Variants in HIPK1 observed in about 807,000 individuals in gnomAD.
HIPK1 encodes the protein homeodomain-interacting protein kinase 1.
In HIPK1, 28 loss-of-function variants were observed where a neutral mutation model predicts 117.1. The ratio of observed to expected loss-of-function variants is 0.24; its 90% CI spans 0.18 to 0.33. HIPK1 has a LOEUF of 0.33. Ranked by LOEUF, HIPK1 falls within the 10% of genes least tolerant of loss-of-function variation. The probability of loss-of-function intolerance (pLI) is 1.00; values close to 1 mark genes in which losing one functional copy is unlikely to be tolerated. For missense variants in HIPK1, 1,122 were observed against 1,475.1 expected, an observed-to-expected ratio of 0.76 and a Z score of 3.92; for synonymous variants, 605 against 562.5, an observed-to-expected ratio of 1.08 and a Z score of -1.07.
intron 8 of HIPK1, among the ~76,000 whole-genome samples, chr1:113,959,452 A>C (rs1487388711): frequency 2.0e-5 from 3 of 152,206 alleles, no homozygotes; most frequent in African/African-American, 7.2e-5. Flanking sequence ...ATAATAGTAA[A>C]TTCTGTAGTT....
intron 14 of HIPK1, 88 bp downstream of exon 14, chr1:113,970,285 TAGAG>T: frequency 7.3e-7 from 1 of 1,364,338 alleles, no homozygotes. Flanking sequence ...ATATCAGTGG[TAGAG>T]ACCAGTGGTG....
rs1670015521 is a variant in HIPK1 at position 113,933,227 on chromosome 1, C to CT, written c.-3+3696dup. 5 of 981,848 alleles carry CT rather than the reference C, an allele frequency of 5.1e-6. No individual in the cohort carries two copies. In the South Asian group the frequency reaches 1.9e-4, roughly 37 times the overall value. 60.8% of individuals were successfully genotyped at this position (981,848 alleles called of 1,614,324 possible). A position where few individuals can be genotyped will look rare whatever the true frequency, so the allele number is the denominator to read the frequency against. On this transcript the variant is annotated intron_variant, in intron 1 of 15. Coordinates refer to ENST00000426820, the MANE Select transcript of HIPK1 (RefSeq NM_198268.3). ...TGAAGAAGTGAGCTTTAAGCAGAGA[C>CT]TAGAAGGGTAAGTAAAAGTTAGGAA...
chr1:113,932,801 C>A (rs1260500805), intron 1 of HIPK1, among the ~76,000 whole-genome samples: 1 of 152,120 alleles, frequency 6.6e-6, no homozygotes, highest in African/African-American at 2.4e-5. Context: ...TATCTCCTTA[C>A]TCTACACGGT....
At chr1:113,963,715 A>C (rs1417332008) in intron 10 of HIPK1, among the ~76,000 whole-genome samples, 194 bp downstream of exon 10, 1 of 151,982 alleles carries the variant, frequency 6.6e-6, no homozygotes, top group Non-Finnish European at 1.5e-5. Context: ...TTAATGTCTC[A>C]TTGTTTTCCT....
rs1476463192 is a variant in HIPK1, at chr1:113,929,338, G to C, written c.-197G>C. The C allele has an allele frequency of 7.8e-7, 1 of 1,289,350 alleles. No individual in the cohort carries two copies. Among genetic ancestry groups the C allele is most frequent in the Non-Finnish European group, 1.0e-6 (1 of 988,860 alleles). 79.9% of individuals were successfully genotyped at this position (1,289,350 alleles called of 1,614,324 possible). On this transcript the variant is annotated 5_prime_UTR_variant, in exon 1 of 16. Coordinates refer to ENST00000426820, the MANE Select transcript of HIPK1 (RefSeq NM_198268.3). ...CTAGCTGGGATGACATTTTACAGTTGGATCCCGTACCACCGCCAGGCACCT... is the reference window on the plus strand; with the variant it reads ...CTAGCTGGGATGACATTTTACAGTTCGATCCCGTACCACCGCCAGGCACCT...
At chr1:113,951,536 G>A (rs780537499) in intron 2 of HIPK1, among the ~76,000 whole-genome samples, 1 of 152,116 alleles carries the variant, frequency 6.6e-6, no homozygotes, top group Non-Finnish European at 1.5e-5. Context: ...AAGTTCCCTA[G>A]CATTTTATTT....
intron 2 of HIPK1, chr1:113,951,291 G>T (rs150875931): frequency 2.0e-6 from 2 of 981,306 alleles, no homozygotes; most frequent in African/African-American, 3.5e-5. Flanking sequence ...TTACATAGAT[G>T]AGTATGTACT....
chr1:113,960,577 G>A (rs1558142418), intron 8 of HIPK1, among the ~76,000 whole-genome samples: 1 of 152,166 alleles, frequency 6.6e-6, no homozygotes, highest in African/African-American at 2.4e-5. Flanking sequence ...TTACCAATTT[G>A]TAGGAGGCTA....
intron 3 of HIPK1, 89 bp from the exon 4 acceptor site, chr1:113,954,562 T>C: frequency 7.3e-7 from 1 of 1,369,990 alleles, no homozygotes; most frequent in Non-Finnish European, 1.0e-6. Context: ...TTTCTTCCTT[T>C]GCCTAAAGTT....
At chr1:113,936,853 A>G (rs1670282514) in intron 1 of HIPK1, among the ~76,000 whole-genome samples, 1 of 152,228 alleles carries the variant, frequency 6.6e-6, no homozygotes, top group African/African-American at 2.4e-5. Flanking sequence ...AAATACTTCA[A>G]GTTACATAAA....
Position 113,975,676 on chromosome 1 carries a change from T to C in HIPK1, c.*2164T>C, listed in dbSNP as rs1343310056. On this transcript the variant is annotated 3_prime_UTR_variant, in exon 16 of 16. Transcript: ENST00000426820. ...CCCCATACTATGAGGAGAAGTTTTG[T>C]GGTGCCGCTGGTGACAAGGAACTCA... 1 of 152,778 alleles carries C rather than the reference T, an allele frequency of 6.5e-6. No individual in the cohort carries two copies. The highest frequency in any genetic ancestry group is 1.5e-5 in the Non-Finnish European group (1 of 68,040). 9.5% of individuals were successfully genotyped at this position (152,778 alleles called of 1,614,324 possible).
chr1:113,972,094 G>C lies in HIPK1; in HGVS notation c.3144+140G>C, dbSNP rs897440028. On this transcript the variant is annotated intron_variant, in intron 15 of 15. Coordinates refer to ENST00000426820, the MANE Select transcript of HIPK1 (RefSeq NM_198268.3). ...AACAATTTTGTGTTCTATGGCTTAC[G>C]TCGTACCGCATATGCTGTGTCTCTT... 3 of 1,601,832 alleles carry C rather than the reference G, an allele frequency of 1.9e-6. No homozygotes were observed. The African/African-American group carries it at 4.0e-5, about 21-fold the overall frequency.
chr1:113,930,055 C>T (rs1025079186), intron 1 of HIPK1: 1 of 980,080 alleles, frequency 1.0e-6, no homozygotes, highest in Non-Finnish European at 1.2e-6. Context: ...CCGGGGGCGC[C>T]TTCCTCAAAG....
intron 13 of HIPK1, 93 bp from the exon 14 acceptor site, chr1:113,969,863 C>T: frequency 2.1e-6 from 3 of 1,399,700 alleles, no homozygotes; most frequent in Non-Finnish European, 3.0e-6. Flanking sequence ...GCTGTGATCA[C>T]TCCACTGCAC....
Position 113,966,275 on chromosome 1 carries a change from A to C in HIPK1, c.2381+3A>C. 6.2e-7 allele frequency: 1 copy of C among 1,613,016 alleles called. No individual in the cohort carries two copies. Among genetic ancestry groups the C allele is most frequent in the Non-Finnish European group, 8.5e-7 (1 of 1,179,512 alleles). On this transcript the variant is annotated splice_donor_region_variant and intron_variant, in intron 11 of 15. Transcript: ENST00000426820. ...GGACAGCAGCTAGCTGACTGGAGGC[A>C]AGTGTCCTGTGTTACTCTGGGAGAT...
chr1:113,971,869 A>G lies in HIPK1; in HGVS notation c.3059A>G (p.Gln1020Arg). 1 of 1,600,506 alleles carries G rather than the reference A, an allele frequency of 6.2e-7. No homozygotes were observed. The highest frequency in any genetic ancestry group is 8.5e-7 in the Non-Finnish European group (1 of 1,175,758). ...KTKPVASVSG[Q>R]SSGCCITPTG... ...AAGCCAGTCGCTTCAGTGAGTGGGC[A>G]GTCATCTGGATGCTGTATCACCCCC... is the stretch of plus-strand genomic sequence containing the variant. Residue 1020 changes from glutamine to arginine, a missense_variant, in exon 15 of 16, where the codon CAG (glutamine) becomes CGG (arginine). By Grantham distance (43) the Gln-to-Arg change is conservative (BLOSUM62 1). This residue lies in a region of HIPK1 where 731 missense variants were observed against 860.4 expected (regional missense o/e 0.85). Coordinates refer to ENST00000426820, the MANE Select transcript of HIPK1 (RefSeq NM_198268.3).
chr1:113,968,710 G>A, intron 13 of HIPK1, 62 bp downstream of exon 13: 1 of 1,355,684 alleles, frequency 7.4e-7, no homozygotes. Context: ...AGGCAAGTGG[G>A]CCCAGTTTGG....
intron 2 of HIPK1, among the ~76,000 whole-genome samples, chr1:113,948,975 T>C (rs1403522389): frequency 6.6e-6 from 1 of 152,054 alleles, no homozygotes; most frequent in Non-Finnish European, 1.5e-5. Flanking sequence ...GTAGTTGGGA[T>C]TACAGGCGCC....
chr1:113,970,110 G>T lies in HIPK1; in HGVS notation c.2926G>T (p.Val976Leu), dbSNP rs772418192. 11 of 1,614,074 alleles carry T rather than the reference G, an allele frequency of 6.8e-6. No individual in the cohort carries two copies. Among genetic ancestry groups the T allele is most frequent in the Non-Finnish European group, 7.6e-6 (9 of 1,180,046 alleles). The part of the protein sequence containing the change: ...GSVLEGPGRV[V>L]ADGTGTRTII... ...CGTTTTGGAGGGGCCTGGCAGAGTT[G>T]TGGCAGATGGCACTGGCACCCGCAC... is the stretch of plus-strand genomic sequence containing the variant. The change falls in exon 14 of 16, where the codon GTG (valine) becomes TTG (leucine). Residue 976 changes from valine (V) to leucine (L), a missense_variant. By Grantham distance (32) the Val-to-Leu change is conservative. Transcript: ENST00000426820.
Sources: allele counts gnomAD v4.1 joint callset (sites outside exome capture counted in the v4.1 genomes callset), GRCh38; gene constraint gnomAD v4.1.1; regional missense constraint gnomAD v4.1.1; transcripts MANE v1.5; gene names NCBI Gene and HGNC (gene_info 2026-07-23, HGNC 2026-07-21).